Variants in SGCD observed in about 807,000 individuals in gnomAD.
The protein encoded by SGCD is sarcoglycan delta, also known as delta-sarcoglycan.
SGCD carries 18 observed loss-of-function variants against 36.6 expected under a neutral mutation model. The observed-to-expected ratio is 0.49, with a 90% CI of 0.34 to 0.73. SGCD has a LOEUF of 0.73. Ranked by LOEUF, SGCD falls within the 30% of genes least tolerant of loss-of-function variation. The probability of loss-of-function intolerance (pLI) is 0.01; values close to 1 mark genes in which losing one functional copy is unlikely to be tolerated. For synonymous variants in SGCD, 133 were observed against 130.6 expected, an observed-to-expected ratio of 1.02 and a Z score of -0.12; for missense variants, 387 against 346.7, an observed-to-expected ratio of 1.12 and a Z score of -0.92.
chr5:155,786,412 G>A, the SGCD span, among the ~76,000 whole-genome samples: 3 of 152,060 alleles, frequency 2.0e-5, no homozygotes, highest in Admixed American at 2.0e-4. Context: ...AAACATCCTG[G>A]GCAGACTTGG....
At chr5:156,193,988 A>G (rs193008575) in intron 3 of SGCD, among the ~76,000 whole-genome samples, 29 of 152,354 alleles carry the variant, frequency 1.9e-4, no homozygotes, top group Non-Finnish European at 3.7e-4. Context: ...AGGTGATGTC[A>G]TACATAATAA....
chr5:156,637,745 G>GA (rs1762883330), intron 6 of SGCD, among the ~76,000 whole-genome samples: 1 of 152,154 alleles, frequency 6.6e-6, no homozygotes, highest in African/African-American at 2.4e-5. Flanking sequence ...CCATACTGGG[G>GA]ATGAAGTCAG....
chr5:155,950,555 C>A (rs1313599400), intron 1 of SGCD, among the ~76,000 whole-genome samples: 2 of 152,078 alleles, frequency 1.3e-5, no homozygotes, highest in Non-Finnish European at 2.9e-5. Context: ...TGGATGAGCA[C>A]CATACCAATC....
chr5:156,069,605 G>A (rs542495419), intron 1 of SGCD, among the ~76,000 whole-genome samples: 33 of 152,044 alleles, frequency 2.2e-4, no homozygotes, highest in African/African-American at 8.0e-4. Flanking sequence ...TTGGCAATGC[G>A]GGCTCTTTTT....
the SGCD span, among the ~76,000 whole-genome samples, chr5:155,850,582 C>T: frequency 7.5e-4 from 114 of 152,242 alleles, no homozygotes; most frequent in African/African-American, 1.4e-3. Flanking sequence ...ACCGTACTGC[C>T]GATCAGTCAT....
chr5:156,096,554 A>G (rs766185995), intron 1 of SGCD, among the ~76,000 whole-genome samples: 1 of 152,100 alleles, frequency 6.6e-6, no homozygotes, highest in African/African-American at 2.4e-5. Flanking sequence ...GGCTGACACA[A>G]TCCTTGGCCC....
chr5:156,185,864 G>T (rs879794541), intron 3 of SGCD, among the ~76,000 whole-genome samples: 35,216 of 50,434 alleles, frequency 0.7, 10,577 homozygotes, highest in East Asian at 0.82. Flanking sequence ...GAGAGAGAGA[G>T]AGAGAGAGAG....
chr5:156,463,566 T>G (rs1754587870), intron 3 of SGCD, among the ~76,000 whole-genome samples: 1 of 152,144 alleles, frequency 6.6e-6, no homozygotes, highest in South Asian at 2.1e-4. Flanking sequence ...TTCTGAGGTA[T>G]GGATGGCTAA....
chr5:156,361,155 T>G (rs1769771750), intron 3 of SGCD, among the ~76,000 whole-genome samples: 1 of 152,218 alleles, frequency 6.6e-6, no homozygotes. Flanking sequence ...AACAAGATCC[T>G]GTAGTTGCTT....
At chr5:156,211,440 T>C (rs903075636) in intron 3 of SGCD, among the ~76,000 whole-genome samples, 50 of 151,980 alleles carry the variant, frequency 3.3e-4, no homozygotes, top group African/African-American at 1.2e-3. Context: ...ACCCCGTCTC[T>C]ACTAAAAATA....
At chr5:156,738,668 G>A (rs1460205006) in intron 7 of SGCD, 1 of 152,178 alleles carries the variant, frequency 6.6e-6, no homozygotes, top group Non-Finnish European at 1.5e-5. Flanking sequence ...TGCCTCTTGT[G>A]GATAAGGAAC....
intron 3 of SGCD, among the ~76,000 whole-genome samples, chr5:156,429,131 T>C (rs1722004468): frequency 6.6e-6 from 1 of 152,090 alleles, no homozygotes; most frequent in Non-Finnish European, 1.5e-5. Context: ...TGTTGCTGTC[T>C]ATCTCATTTC....
chr5:155,811,751 G>T, the SGCD span, among the ~76,000 whole-genome samples: 2 of 152,292 alleles, frequency 1.3e-5, no homozygotes, highest in African/African-American at 4.8e-5. Flanking sequence ...TTCTGGTTTC[G>T]CAGTGTCAAT....
chr5:156,465,465 A>G (rs941218581), intron 3 of SGCD, among the ~76,000 whole-genome samples: 1 of 152,204 alleles, frequency 6.6e-6, no homozygotes, highest in Non-Finnish European at 1.5e-5. Context: ...TCATGAGAAC[A>G]TTGTAAACTT....
At chr5:156,226,194 T>A (rs1764852741) in intron 3 of SGCD, among the ~76,000 whole-genome samples, 1 of 152,118 alleles carries the variant, frequency 6.6e-6, no homozygotes, top group African/African-American at 2.4e-5. Context: ...GTACCCTATT[T>A]GTAGTCTTTT....
intron 7 of SGCD, among the ~76,000 whole-genome samples, chr5:156,749,568 C>T (rs1027262443): frequency 3.9e-5 from 6 of 152,090 alleles, no homozygotes; most frequent in Non-Finnish European, 7.4e-5. Flanking sequence ...CAGACAGCTA[C>T]AAACGCAGGG....
At chr5:156,560,561 T>C (rs1205758076) in intron 4 of SGCD, among the ~76,000 whole-genome samples, 1 of 152,188 alleles carries the variant, frequency 6.6e-6, no homozygotes, top group Non-Finnish European at 1.5e-5. Flanking sequence ...AACTGGAAGC[T>C]ATGTAATAGA....
chr5:155,952,714 C>A (rs1463017083), intron 1 of SGCD, among the ~76,000 whole-genome samples: 3 of 152,222 alleles, frequency 2.0e-5, no homozygotes, highest in Non-Finnish European at 4.4e-5. Context: ...TCTGCCTGTG[C>A]ATTACTGCTT....
intron 7 of SGCD, among the ~76,000 whole-genome samples, chr5:156,648,788 A>C (rs957792663): frequency 6.6e-6 from 1 of 152,146 alleles, no homozygotes; most frequent in Non-Finnish European, 1.5e-5. Flanking sequence ...TGAAGCTAGA[A>C]TCTTTTAAGC....
Sources: gnomAD v4.1 joint callset for allele counts (sites outside exome capture counted in the v4.1 genomes callset) on GRCh38, gnomAD v4.1.1 for gene constraint, MANE v1.5 for transcripts, NCBI Gene and HGNC (gene_info 2026-07-23, HGNC 2026-07-21) for gene names.